Variants in EXOC6B observed in about 807,000 individuals in gnomAD.
EXOC6B encodes exocyst complex component 6B, also known as SEC15 homolog B.
Under a neutral mutation model 113.5 loss-of-function variants are expected in EXOC6B, and 54 were observed. The ratio of observed to expected loss-of-function variants is 0.48; its 90% CI spans 0.38 to 0.60. The LOEUF is 0.60. EXOC6B is among the 20% of genes least tolerant of loss of function. EXOC6B has a pLI of 0.00. For missense variants in EXOC6B, 797 were observed against 977.5 expected (o/e 0.82, Z 2.46); for synonymous variants, 357 against 339.0 (o/e 1.05, Z -0.58).
intron 20 of EXOC6B, among the ~76,000 whole-genome samples, chr2:72,271,513 G>C (rs1283154127): frequency 6.6e-6 from 1 of 151,802 alleles, no homozygotes; most frequent in East Asian, 1.9e-4. Context: ...CAGAGAGAGG[G>C]ACTGAAGGAG....
chr2:72,631,457 TATATAGAGAGAGAGAGAGAGAG>T (rs1164739419), intron 6 of EXOC6B, among the ~76,000 whole-genome samples: 68 of 10,604 alleles, frequency 6.4e-3, no homozygotes, highest in African/African-American at 0.016. Context: ...TATATATATA[TATATAGAGAGAGAGAGAGAGAG>T]AGAGAGAGAG....
chr2:72,405,506 G>A (rs1192817622), intron 18 of EXOC6B, among the ~76,000 whole-genome samples: 1 of 152,186 alleles, frequency 6.6e-6, no homozygotes. Flanking sequence ...CGGATCTCTT[G>A]GCAGAAACTC....
At chr2:72,742,913 A>T (rs184660461) in intron 1 of EXOC6B, among the ~76,000 whole-genome samples, 1 of 152,314 alleles carries the variant, frequency 6.6e-6, no homozygotes, top group Admixed American at 6.5e-5. Flanking sequence ...TTGGGTTTTT[A>T]AAAGCCATCT....
rs1161887981 is a variant in EXOC6B at position 72,178,195 on chromosome 2, G to A, written c.*1140C>T. The A allele has an allele frequency of 6.6e-6, 1 of 152,236 alleles. No individual in the cohort carries two copies. Among genetic ancestry groups the A allele is most frequent in the African/African-American group, 2.4e-5 (1 of 41,466 alleles). The allele number at this position is 152,236 out of a possible 1,614,324, so 9.4% of individuals were successfully genotyped here. A position where few individuals can be genotyped will look rare whatever the true frequency, so the allele number is the denominator to read the frequency against. ...TTGGGCCAGAGGCAACAAGCCACAA[G>A]CCATGGTTGGCTCTGTCGACTTTAT... On this transcript the variant is annotated 3_prime_UTR_variant, in exon 22 of 22. Transcript: ENST00000272427.
intron 19 of EXOC6B, among the ~76,000 whole-genome samples, chr2:72,377,954 T>C (rs1385872759): frequency 7.6e-6 from 1 of 132,132 alleles, no homozygotes; most frequent in African/African-American, 4.1e-5. Context: ...ATGATGAACA[T>C]ATACAATTAA....
intron 6 of EXOC6B, among the ~76,000 whole-genome samples, chr2:72,614,285 C>T (rs977927913): frequency 6.6e-6 from 1 of 152,082 alleles, no homozygotes; most frequent in African/African-American, 2.4e-5. Flanking sequence ...ATATATATCC[C>T]ACAAAATCAT....
intron 18 of EXOC6B, among the ~76,000 whole-genome samples, chr2:72,404,065 C>G (rs1038075864): frequency 6.6e-6 from 1 of 152,222 alleles, no homozygotes. Context: ...AGATTATATC[C>G]TGCTCCTAGC....
chr2:72,340,686 G>C (rs1410699935), intron 19 of EXOC6B, among the ~76,000 whole-genome samples: 2 of 152,276 alleles, frequency 1.3e-5, no homozygotes, highest in African/African-American at 4.8e-5. Flanking sequence ...CTGGGTACTT[G>C]TTTATAATTT....
At chr2:72,441,114 G>A (rs1043960728) in intron 18 of EXOC6B, among the ~76,000 whole-genome samples, 2 of 152,150 alleles carry the variant, frequency 1.3e-5, no homozygotes, top group African/African-American at 4.8e-5. Flanking sequence ...TTGTAAGGCA[G>A]ATAAGGTGGT....
In EXOC6B at chr2:72,469,067, T is replaced by G. The variant is rs1040950577; in HGVS notation, c.1801-3728A>C. On this transcript the variant is annotated intron_variant, in intron 17 of 21. Transcript: ENST00000272427. ...ATTGGTGTGGTACAATTTTTACAAT[T>G]AATGAAACAATATTGATATTTTATT... is the stretch of plus-strand genomic sequence containing the variant. Among the ~76,000 whole-genome samples the G allele has an allele frequency of 3.9e-5, 6 of 152,140 alleles. No individual in the cohort carries two copies. The East Asian group carries it at 5.8e-4, about 15-fold the overall frequency.
chr2:72,671,779 G>GAAAGAA (rs1553464025), intron 6 of EXOC6B, among the ~76,000 whole-genome samples: 44 of 103,490 alleles, frequency 4.3e-4, no homozygotes, highest in African/African-American at 2.0e-3. Context: ...AAGAAAGAAA[G>GAAAGAA]AAAGAAAGAA....
chr2:72,588,682 AT>A (rs1290990740), intron 6 of EXOC6B, among the ~76,000 whole-genome samples: 2 of 152,050 alleles, frequency 1.3e-5, no homozygotes, highest in Non-Finnish European at 2.9e-5. Flanking sequence ...TCAATTAATA[AT>A]TTTAATTTTT....
intron 18 of EXOC6B, among the ~76,000 whole-genome samples, chr2:72,424,604 T>A (rs1695097157): frequency 1.3e-5 from 2 of 152,176 alleles, no homozygotes; most frequent in Non-Finnish European, 1.5e-5. Context: ...GCTGATTTTT[T>A]AAAAACGTAT....
At chr2:72,200,751 C>T (rs531097816) in intron 20 of EXOC6B, among the ~76,000 whole-genome samples, 55 of 152,122 alleles carry the variant, frequency 3.6e-4, no homozygotes, top group Admixed American at 2.4e-3. Flanking sequence ...TAGAGGAGAA[C>T]AAAAATCTTT....
Position 72,205,364 on chromosome 2 carries a change from G to GAA in EXOC6B, c.2197-21179_2197-21178dup, listed in dbSNP as rs34311680. On this transcript the variant is annotated intron_variant, in intron 20 of 21. Transcript: ENST00000272427. ...GATTCACTATTTTATGCTTAAAGTA[G>GAA]AAAAAAAAAAAAGGATATTCCACTG... is the stretch of plus-strand genomic sequence containing the variant. Among the ~76,000 whole-genome samples the GAA allele has an allele frequency of 6.7e-4, 94 of 141,144 alleles. No individual in the cohort carries two copies. The East Asian group carries it at 7.3e-3, about 11-fold the overall frequency. 92.6% of individuals were successfully genotyped at this position (141,144 alleles called of 152,430 possible).
chr2:72,482,889 C>A (rs569046421), intron 16 of EXOC6B, among the ~76,000 whole-genome samples: 1 of 152,120 alleles, frequency 6.6e-6, no homozygotes, highest in Non-Finnish European at 1.5e-5. Flanking sequence ...AAAAACACAG[C>A]GATACAATTC....
intron 11 of EXOC6B, among the ~76,000 whole-genome samples, chr2:72,508,111 T>C (rs1392897313): frequency 8.4e-6 from 1 of 118,652 alleles, no homozygotes; most frequent in Non-Finnish European, 1.6e-5. Context: ...ACAGTAATAC[T>C]AGTTAATAAA....
chr2:72,671,747 CAGAGAAAGAAAG>C (rs1254935557), intron 6 of EXOC6B, among the ~76,000 whole-genome samples: 1 of 84,904 alleles, frequency 1.2e-5, no homozygotes, highest in East Asian at 3.2e-4. Flanking sequence ...GAGAGAGAGA[CAGAGAAAGAAAG>C]AAAGAAAGAA....
intron 18 of EXOC6B, among the ~76,000 whole-genome samples, chr2:72,433,457 C>T (rs549538076): frequency 2.0e-5 from 3 of 152,152 alleles, no homozygotes; most frequent in Non-Finnish European, 4.4e-5. Context: ...TCAGTGGTAG[C>T]TTGATGGGAG....
Sources: gnomAD v4.1 joint callset for allele counts (sites outside exome capture counted in the v4.1 genomes callset) on GRCh38, gnomAD v4.1.1 for gene constraint, MANE v1.5 for transcripts, NCBI Gene and HGNC (gene_info 2026-07-23, HGNC 2026-07-21) for gene names.